Variants in FOXL1 observed in about 807,000 individuals in gnomAD.
FOXL1 encodes forkhead box protein L1.
FOXL1 carries 2 observed loss-of-function variants against 1.7 expected under a neutral mutation model. The ratio of observed to expected loss-of-function variants is 1.21; its 90% CI spans 0.49 to 3.80. FOXL1 has a LOEUF of 3.80. Among genes scored for constraint, FOXL1 ranks in the 30% most tolerant of loss-of-function variants. The pLI is 0.07. For missense variants in FOXL1, 565 were observed against 495.8 expected (o/e 1.14, Z -1.32); for synonymous variants, 280 against 229.3 (o/e 1.22, Z -2.00).
rs750019437 is a variant in FOXL1, at chr16:86,579,164, G to T, written c.441G>T (p.Pro147=). Residue 147 remains proline (P), a synonymous_variant, in exon 1 of 1, where the codon CCG becomes CCT. Transcript: ENST00000320241. The part of the protein sequence containing the change: ...NYRRRKRKPK[P]GPGAPEAKRP... Reference sequence around the variant, plus strand: ...GGCGCCGGAAGAGGAAGCCCAAGCCGGGCCCCGGGGCCCCGGAGGCCAAGA... The same window carrying T: ...GGCGCCGGAAGAGGAAGCCCAAGCCTGGCCCCGGGGCCCCGGAGGCCAAGA... 18 of 1,607,502 alleles carry T rather than the reference G, an allele frequency of 1.1e-5. No individual in the cohort carries two copies. Among genetic ancestry groups the T allele is most frequent in the Non-Finnish European group, 1.4e-5 (16 of 1,177,534 alleles).
rs1464088837 is a variant in FOXL1, at chr16:86,579,829, C to T, written c.*68C>T. ...TCCGCTGAGCGAAAGGCCACAGCTC[C>T]CACCGGCGGAGGATTTTAAAATGAT... is the stretch of plus-strand genomic sequence containing the variant. On this transcript the variant is annotated 3_prime_UTR_variant, in exon 1 of 1. Coordinates refer to ENST00000320241, the MANE Select transcript of FOXL1 (RefSeq NM_005250.3). The T allele has an allele frequency of 5.1e-5, 71 of 1,386,232 alleles. 3 individuals are homozygous for T. The highest frequency in any genetic ancestry group is 4.8e-4 in the South Asian group (38 of 79,968). 85.9% of individuals were successfully genotyped at this position (1,386,232 alleles called of 1,614,324 possible).
Position 86,579,233 on chromosome 16 carries a change from G to T in FOXL1, c.510G>T (p.Pro170=), listed in dbSNP as rs995005160. Residue 170 remains proline, a synonymous_variant, in exon 1 of 1, where the codon CCG becomes CCT. Coordinates refer to ENST00000320241, the MANE Select transcript of FOXL1 (RefSeq NM_005250.3). ...ETHQRSAEAQ[P]EAGSGAGGSG... ...ACCAGCGCAGCGCGGAGGCGCAGCC[G>T]GAGGCGGGGAGCGGGGCAGGGGGCT... 8 of 1,523,744 alleles carry T rather than the reference G, an allele frequency of 5.3e-6. No homozygotes were observed. The Admixed American group carries it at 1.7e-4, about 33-fold the overall frequency. The allele number at this position is 1,523,744 out of a possible 1,614,324, so 94.4% of individuals were successfully genotyped here. A position where few individuals can be genotyped will look rare whatever the true frequency, so the allele number is the denominator to read the frequency against.
chr16:86,578,757 C>T lies in FOXL1; in HGVS notation c.34C>T (p.Leu12=). ...SHLFDPRLPA[L]AASPMLYLYG... ...CCTCTTCGATCCCCGGCTGCCTGCC[C>T]TGGCCGCCTCGCCCATGCTGTATCT... Residue 12 remains leucine, a synonymous_variant, in exon 1 of 1, where the codon CTG becomes TTG. Transcript: ENST00000320241. 6.2e-7 allele frequency: 1 copy of T among 1,608,594 alleles called. No homozygotes were observed.
rs1435815611 is a variant in FOXL1 at position 86,578,838 on chromosome 16, G to A, written c.115G>A (p.Ala39Thr). ...PLAFAPAAALAASGRAETPQK... is the reference protein window; with the variant it reads ...PLAFAPAAALTASGRAETPQK... Reference sequence around the variant, plus strand: ...GGCCTTCGCCCCCGCGGCTGCTCTAGCTGCCTCGGGCCGGGCCGAGACCCC... The same window carrying A: ...GGCCTTCGCCCCCGCGGCTGCTCTAACTGCCTCGGGCCGGGCCGAGACCCC... Residue 39 changes from alanine (A) to threonine (T), a missense_variant, in exon 1 of 1, where the codon GCT (alanine) becomes ACT (threonine). By Grantham distance (58) the Ala-to-Thr change is moderately conservative. Transcript: ENST00000320241. 3 of 1,613,714 alleles carry A rather than the reference G, an allele frequency of 1.9e-6. No homozygotes were observed. The East Asian group carries it at 6.7e-5, about 36-fold the overall frequency.
At position 86,582,344 on chromosome 16, in the gene FOXL1, T is replaced by C. The variant is rs1974424152; in HGVS notation, c.*2583T>C. ...GGCTCAAAATTATGGCTCAATAAGG[T>C]CAATAGTTTCTGCTCTTAATTAAAA... is the stretch of plus-strand genomic sequence containing the variant. On this transcript the variant is annotated 3_prime_UTR_variant, in exon 1 of 1. Transcript: ENST00000320241. 6.6e-6 allele frequency among the ~76,000 whole-genome samples: 1 copy of C among 152,188 alleles called. No homozygotes were observed. The highest frequency in any genetic ancestry group is 2.4e-5 in the African/African-American group (1 of 41,438).
Position 86,579,185 on chromosome 16 carries a change from C to G in FOXL1, c.462C>G (p.Ala154=), listed in dbSNP as rs772279289. 6.2e-7 allele frequency: 1 copy of G among 1,600,880 alleles called. No homozygotes were observed. Among genetic ancestry groups the G allele is most frequent in the Non-Finnish European group, 8.5e-7 (1 of 1,174,498 alleles). The change falls in exon 1 of 1, where the codon GCC becomes GCG. Residue 154 remains alanine (A), a synonymous_variant. Coordinates refer to ENST00000320241, the MANE Select transcript of FOXL1 (RefSeq NM_005250.3). ...AGCCGGGCCCCGGGGCCCCGGAGGCCAAGAGGCCCCGCGCCGAGACGCACC... is the reference window on the plus strand; with the variant it reads ...AGCCGGGCCCCGGGGCCCCGGAGGCGAAGAGGCCCCGCGCCGAGACGCACC... ...KPKPGPGAPE[A]KRPRAETHQR...
rs1974409112 is a variant in FOXL1 at position 86,581,140 on chromosome 16, C to T, written c.*1379C>T. The T allele has an allele frequency of 1.2e-5, 2 of 167,088 alleles. No individual in the cohort carries two copies. Among genetic ancestry groups the T allele is most frequent in the African/African-American group, 2.4e-5 (1 of 41,456 alleles). The allele number at this position is 167,088 out of a possible 1,614,324, so 10.4% of individuals were successfully genotyped here. On this transcript the variant is annotated 3_prime_UTR_variant, in exon 1 of 1. Coordinates refer to ENST00000320241, the MANE Select transcript of FOXL1 (RefSeq NM_005250.3). ...TTGAGATGTTCACAACCAAGTTCAGCTTGCAGCTTCCGGGGAAATGCAACC... is the reference window on the plus strand; with the variant it reads ...TTGAGATGTTCACAACCAAGTTCAGTTTGCAGCTTCCGGGGAAATGCAACC...
At position 86,579,737 on chromosome 16, in the gene FOXL1, C is replaced by T. The variant is rs1974388940; in HGVS notation, c.1014C>T (p.Pro338=). 1 of 1,613,440 alleles carries T rather than the reference C, an allele frequency of 6.2e-7. No homozygotes were observed. Among genetic ancestry groups the T allele is most frequent in the Non-Finnish European group, 8.5e-7 (1 of 1,179,924 alleles). The change falls in exon 1 of 1, where the codon CCC becomes CCT. Residue 338 remains proline (P), a synonymous_variant. Transcript: ENST00000320241. ...TCTCTTATTTCCCCCTGCAGGTTCC[C>T]GACACGGTACTCCACTTCCAGTAAA... ...PFLSYFPLQV[P]DTVLHFQ is the part of the protein sequence containing the mutation.
Position 86,580,982 on chromosome 16 carries a change from T to A in FOXL1, c.*1221T>A, listed in dbSNP as rs1974405900. ...AGACACTCCTGGCCCCCGCACCCCCTGCAGCCGCCCGCTCTTCCCTCCCAG... is the reference window on the plus strand; with the variant it reads ...AGACACTCCTGGCCCCCGCACCCCCAGCAGCCGCCCGCTCTTCCCTCCCAG... On this transcript the variant is annotated 3_prime_UTR_variant, in exon 1 of 1. Transcript: ENST00000320241. 6.0e-6 allele frequency: 1 copy of A among 167,042 alleles called. No individual in the cohort carries two copies. The highest frequency in any genetic ancestry group is 2.1e-4 in the South Asian group (1 of 4,826). The allele number at this position is 167,042 out of a possible 1,614,324, so 10.3% of individuals were successfully genotyped here.
chr16:86,580,073 T>C lies in FOXL1; in HGVS notation c.*312T>C, dbSNP rs1425091354. 2.0e-5 allele frequency: 7 copies of C among 356,150 alleles called. No homozygotes were observed. The highest frequency in any genetic ancestry group is 4.1e-5 in the African/African-American group (2 of 48,686). The allele number at this position is 356,150 out of a possible 1,614,324, so 22.1% of individuals were successfully genotyped here. ...GACGTTTGACCTGTCTAATGGAGTG[T>C]GGTCTTCAGCCGCCCACCGCAGGTC... On this transcript the variant is annotated 3_prime_UTR_variant, in exon 1 of 1. Coordinates refer to ENST00000320241, the MANE Select transcript of FOXL1 (RefSeq NM_005250.3).
rs1168271514 is a variant in FOXL1 at position 86,579,773 on chromosome 16, G to A, written c.*12G>A. On this transcript the variant is annotated 3_prime_UTR_variant, in exon 1 of 1. Transcript: ENST00000320241. ...TCCACTTCCAGTAAAGCAAACAATG[G>A]CACGGTTCTTCTCCCGGCCCAGCCT... is the stretch of plus-strand genomic sequence containing the variant. The A allele has an allele frequency of 3.1e-6, 5 of 1,607,020 alleles. No homozygotes were observed. The highest frequency in any genetic ancestry group is 1.7e-6 in the Non-Finnish European group (2 of 1,174,928).
rs1295786181 is a variant in FOXL1, at chr16:86,578,621, GCA to G, written c.-101_-100del. 14 of 968,580 alleles carry G rather than the reference GCA, an allele frequency of 1.4e-5. No homozygotes were observed. The highest frequency in any genetic ancestry group is 2.1e-5 in the Non-Finnish European group (14 of 660,772). The allele number at this position is 968,580 out of a possible 1,614,324, so 60.0% of individuals were successfully genotyped here. On this transcript the variant is annotated 5_prime_UTR_variant, in exon 1 of 1. It removes the in-frame stop codon of an upstream open reading frame in the 5' UTR. Coordinates refer to ENST00000320241, the MANE Select transcript of FOXL1 (RefSeq NM_005250.3). Reference sequence around the variant, plus strand: ...GAGAGCGGCAGAGCCAGAGGCAGAGGCACGGCTGGCTCCCCGGGAGGGCCCTT... The same window carrying G: ...GAGAGCGGCAGAGCCAGAGGCAGAGGCGGCTGGCTCCCCGGGAGGGCCCTT...
rs1974390502 is a variant in FOXL1, at chr16:86,579,814, G to GA, written c.*56dup. On this transcript the variant is annotated 3_prime_UTR_variant, in exon 1 of 1. Transcript: ENST00000320241. ...GGCCCAGCCTGAGCCTCCGCTGAGC[G>GA]AAAGGCCACAGCTCCCACCGGCGGA... 1.3e-6 allele frequency: 2 copies of GA among 1,494,840 alleles called. No homozygotes were observed. Among genetic ancestry groups the GA allele is most frequent in the African/African-American group, 1.4e-5 (1 of 72,694 alleles). The allele number at this position is 1,494,840 out of a possible 1,614,324, so 92.6% of individuals were successfully genotyped here. A position where few individuals can be genotyped will look rare whatever the true frequency, so the allele number is the denominator to read the frequency against.
At position 86,581,742 on chromosome 16, in the gene FOXL1, G is replaced by T. The variant is rs1597407235; in HGVS notation, c.*1981G>T. The T allele has an allele frequency of 6.0e-6, 1 of 166,884 alleles. No homozygotes were observed. The highest frequency in any genetic ancestry group is 6.5e-5 in the Admixed American group (1 of 15,278). 10.3% of individuals were successfully genotyped at this position (166,884 alleles called of 1,614,324 possible). A position where few individuals can be genotyped will look rare whatever the true frequency, so the allele number is the denominator to read the frequency against. On this transcript the variant is annotated 3_prime_UTR_variant, in exon 1 of 1. Transcript: ENST00000320241. ...TACTGGAGGGAAATAAACAAACAGT[G>T]TAATAAGAAAGAGGAGACTGGGATT...
chr16:86,579,620 C>T lies in FOXL1; in HGVS notation c.897C>T (p.Ala299=), dbSNP rs372235566. The change falls in exon 1 of 1, where the codon GCC becomes GCT. Residue 299 remains alanine, a synonymous_variant. Coordinates refer to ENST00000320241, the MANE Select transcript of FOXL1 (RefSeq NM_005250.3). The stretch of plus-strand genomic sequence containing the variant: ...GCCGTCTGGGTGCCTCGCTCCTGGC[C>T]GCCTCCTCCAGCCTCCGTCCGCCTT... ...PGGRLGASLL[A]ASSSLRPPFN... 7.4e-5 allele frequency: 119 copies of T among 1,613,292 alleles called. No homozygotes were observed. Among genetic ancestry groups the T allele is most frequent in the Non-Finnish European group, 9.6e-5 (113 of 1,179,960 alleles).
chr16:86,582,384 T>C lies in FOXL1; in HGVS notation c.*2623T>C, dbSNP rs1974424508. On this transcript the variant is annotated 3_prime_UTR_variant, in exon 1 of 1. Coordinates refer to ENST00000320241, the MANE Select transcript of FOXL1 (RefSeq NM_005250.3). Reference sequence around the variant, plus strand: ...CTTAATTAAAACAAAATCTCAGCTATAATTAGGGTGAGCCAGAAGCAAGCT... The same window carrying C: ...CTTAATTAAAACAAAATCTCAGCTACAATTAGGGTGAGCCAGAAGCAAGCT... Among the ~76,000 whole-genome samples the C allele has an allele frequency of 6.6e-6, 1 of 152,182 alleles. No individual in the cohort carries two copies. The highest frequency in any genetic ancestry group is 1.5e-5 in the Non-Finnish European group (1 of 68,038).
Position 86,581,738 on chromosome 16 carries a change from CAG to C in FOXL1, c.*1978_*1979del, listed in dbSNP as rs963136735. The C allele has an allele frequency of 6.0e-6, 1 of 166,836 alleles. No individual in the cohort carries two copies. The highest frequency in any genetic ancestry group is 1.5e-5 in the Non-Finnish European group (1 of 68,110). The allele number at this position is 166,836 out of a possible 1,614,324, so 10.3% of individuals were successfully genotyped here. A position where few individuals can be genotyped will look rare whatever the true frequency, so the allele number is the denominator to read the frequency against. On this transcript the variant is annotated 3_prime_UTR_variant, in exon 1 of 1. Transcript: ENST00000320241. The stretch of plus-strand genomic sequence containing the variant: ...GGATTACTGGAGGGAAATAAACAAA[CAG>C]TGTAATAAGAAAGAGGAGACTGGGA...
chr16:86,581,924 A>C lies in FOXL1; in HGVS notation c.*2163A>C, dbSNP rs760450376. The C allele has an allele frequency of 9.7e-4, 149 of 152,840 alleles. No homozygotes were observed. Among genetic ancestry groups the C allele is most frequent in the Middle Eastern group, 3.4e-3 (1 of 294 alleles). 9.5% of individuals were successfully genotyped at this position (152,840 alleles called of 1,614,324 possible). A position where few individuals can be genotyped will look rare whatever the true frequency, so the allele number is the denominator to read the frequency against. On this transcript the variant is annotated 3_prime_UTR_variant, in exon 1 of 1. Transcript: ENST00000320241. ...ATTCTGCCGTATTGAATCGGTTTTT[A>C]ATCTTTCCTTTTTCTTTTTTGTGTT... is the stretch of plus-strand genomic sequence containing the variant.
chr16:86,579,776 C>T lies in FOXL1; in HGVS notation c.*15C>T, dbSNP rs200228439. On this transcript the variant is annotated 3_prime_UTR_variant, in exon 1 of 1. Transcript: ENST00000320241. ...ACTTCCAGTAAAGCAAACAATGGCACGGTTCTTCTCCCGGCCCAGCCTGAG... is the reference window on the plus strand; with the variant it reads ...ACTTCCAGTAAAGCAAACAATGGCATGGTTCTTCTCCCGGCCCAGCCTGAG... 2.5e-6 allele frequency: 4 copies of T among 1,603,762 alleles called. No homozygotes were observed. The highest frequency in any genetic ancestry group is 1.7e-5 in the Admixed American group (1 of 59,868).
Sources: gnomAD v4.1 joint callset for allele counts (sites outside exome capture counted in the v4.1 genomes callset) on GRCh38, gnomAD v4.1.1 for gene constraint, MANE v1.5 for transcripts, NCBI Gene and HGNC (gene_info 2026-07-23, HGNC 2026-07-21) for gene names.